Variants in A2ML1 observed in about 807,000 individuals in gnomAD.
A2ML1 encodes the protein alpha-2-macroglobulin-like protein 1.
In A2ML1, 161 loss-of-function variants were observed where a neutral mutation model predicts 181.9. The observed-to-expected ratio is 0.89, with a 90% confidence interval of 0.78 to 1.01. The LOEUF is 1.01. A2ML1 is among the 50% of genes least tolerant of loss of function. The pLI is 0.00. For synonymous variants in A2ML1, 663 were observed against 666.8 expected, an observed-to-expected ratio of 0.99 and a Z score of 0.09; for missense variants, 1,670 against 1,768.1, an observed-to-expected ratio of 0.94 and a Z score of 1.00.
intron 23 of A2ML1, among the ~76,000 whole-genome samples, chr12:8,856,861 T>C (rs1020070830): frequency 2.0e-5 from 3 of 151,886 alleles, no homozygotes; most frequent in Non-Finnish European, 4.4e-5. Context: ...AGACCGAGTT[T>C]GATTTACTGT....
chr12:8,854,903 T>TTTC, intron 22 of A2ML1, 72 bp downstream of exon 22: 1 of 1,563,116 alleles, frequency 6.4e-7, no homozygotes, highest in East Asian at 2.2e-5. Flanking sequence ...TTCATTTTTT[T>TTTC]TTTTTTTTTG....
Position 8,868,373 on chromosome 12 carries a change from G to T in A2ML1, c.4061+16G>T, listed in dbSNP as rs200962359. ...TTCACACCAGGTGATTAAAGCTGGG[G>T]TGCTGGTGGCCGGCAGAGCACCTGG... On this transcript the variant is annotated intron_variant, in intron 31 of 35. Transcript: ENST00000299698. 7 of 1,609,358 alleles carry T rather than the reference G, an allele frequency of 4.3e-6. No individual in the cohort carries two copies. The highest frequency in any genetic ancestry group is 8.5e-7 in the Non-Finnish European group (1 of 1,178,214).
At chr12:8,844,939 C>A in intron 12 of A2ML1, 1 of 1,274,800 alleles carries the variant, frequency 7.8e-7, no homozygotes, top group Non-Finnish European at 1.0e-6. Context: ...TCACCGAGTT[C>A]TGTTTCAAGT....
rs926222334 is a variant in A2ML1, at chr12:8,869,042, A to G, written c.4153-93A>G. The G allele has an allele frequency of 5.4e-5, 67 of 1,237,538 alleles. No individual in the cohort carries two copies. In the South Asian group the frequency reaches 7.7e-4, roughly 14 times the overall value. The allele number at this position is 1,237,538 out of a possible 1,614,324, so 76.7% of individuals were successfully genotyped here. The stretch of plus-strand genomic sequence containing the variant: ...CCTTTTCCTACCTTTTCCACAGTAT[A>G]TATTGTTTCCTTGATCATGGCAGAG... On this transcript the variant is annotated intron_variant, in intron 32 of 35. Transcript: ENST00000299698.
chr12:8,854,390 C>T, intron 21 of A2ML1, 141 bp downstream of exon 21: 1 of 1,334,362 alleles, frequency 7.5e-7, no homozygotes, highest in Middle Eastern at 2.8e-4. Flanking sequence ...GCCCCTTGAA[C>T]ATTTGCCTAA....
chr12:8,872,846 T>C (rs1044176955), intron 33 of A2ML1, among the ~76,000 whole-genome samples: 2 of 151,370 alleles, frequency 1.3e-5, no homozygotes, highest in Non-Finnish European at 2.9e-5. Flanking sequence ...AAAATAAGAA[T>C]GGTGACATTG....
At chr12:8,849,226 C>A (rs765619538) in intron 16 of A2ML1, among the ~76,000 whole-genome samples, 1 of 152,104 alleles carries the variant, frequency 6.6e-6, no homozygotes, top group Non-Finnish European at 1.5e-5. Context: ...ATTCTATGAG[C>A]AGGATTTGGG....
rs985313789 is a variant in A2ML1, at chr12:8,823,599, C to G, written c.247-121C>G. 46 of 1,205,962 alleles carry G rather than the reference C, an allele frequency of 3.8e-5. No homozygotes were observed. In the African/African-American group the frequency reaches 6.9e-4, roughly 18 times the overall value. 74.7% of individuals were successfully genotyped at this position (1,205,962 alleles called of 1,614,324 possible). Reference sequence around the variant, plus strand: ...TTCCTCGTGGTAATTTGTTTTATGTCTCTATCCTTGCTACCCCCATCTAAC... The same window carrying G: ...TTCCTCGTGGTAATTTGTTTTATGTGTCTATCCTTGCTACCCCCATCTAAC... On this transcript the variant is annotated intron_variant, in intron 2 of 35. Coordinates refer to ENST00000299698, the MANE Select transcript of A2ML1 (RefSeq NM_144670.6).
rs973673500 is a variant in A2ML1, at chr12:8,835,526, T to C, written c.503T>C (p.Ile168Thr). 6.2e-7 allele frequency: 1 copy of C among 1,613,966 alleles called. No homozygotes were observed. The highest frequency in any genetic ancestry group is 1.3e-5 in the African/African-American group (1 of 74,908). The change falls in exon 6 of 36, where the codon ATT becomes ACT. Residue 168 changes from isoleucine to threonine, a missense_variant. Physicochemically the swap from Ile to Thr is moderately conservative, Grantham distance 89. Coordinates refer to ENST00000299698, the MANE Select transcript of A2ML1 (RefSeq NM_144670.6). The part of the protein sequence containing the change: ...VELQDPNSNR[I>T]AQWLEVVPEQ... Reference sequence around the variant, plus strand: ...GGACAGGATCCAAATAGCAACAGGATTGCACAGTGGCTGGAAGTGGTACCT... The same window carrying C: ...GGACAGGATCCAAATAGCAACAGGACTGCACAGTGGCTGGAAGTGGTACCT...
rs142881050 is a variant in A2ML1, at chr12:8,835,855, T to A, written c.643+189T>A. Among the ~76,000 whole-genome samples, 986 of 151,666 alleles carry A rather than the reference T, an allele frequency of 6.5e-3. 16 individuals are homozygous for A. The highest frequency in any genetic ancestry group is 0.022 in the African/African-American group (920 of 41,310). ...AGTGAAACCCTGTCTCCACTAACAATACAAAAAATTAGCCGGGCGTGGTGG... is the reference window on the plus strand; with the variant it reads ...AGTGAAACCCTGTCTCCACTAACAAAACAAAAAATTAGCCGGGCGTGGTGG... On this transcript the variant is annotated intron_variant, in intron 6 of 35. Transcript: ENST00000299698.
downstream of A2ML1, among the ~76,000 whole-genome samples, chr12:8,877,113 C>T (rs552205116): frequency 6.6e-6 from 1 of 152,282 alleles, no homozygotes; most frequent in Middle Eastern, 3.4e-3. Flanking sequence ...CACCTATCAC[C>T]GTGCAAGCAC....
At chr12:8,826,202 G>A (rs944088923) in intron 3 of A2ML1, among the ~76,000 whole-genome samples, 1 of 152,088 alleles carries the variant, frequency 6.6e-6, no homozygotes, top group Non-Finnish European at 1.5e-5. Context: ...GATTGCCTTA[G>A]GTAGTACGGA....
intron 3 of A2ML1, among the ~76,000 whole-genome samples, chr12:8,828,940 A>G (rs1400247122): frequency 1.3e-5 from 2 of 152,182 alleles, no homozygotes; most frequent in Non-Finnish European, 2.9e-5. Flanking sequence ...ATTGCATTCT[A>G]AAGCCAAGTC....
intron 28 of A2ML1, 75 bp downstream of exon 28, chr12:8,861,372 C>T: frequency 1.3e-6 from 2 of 1,491,220 alleles, no homozygotes; most frequent in Non-Finnish European, 1.8e-6. Context: ...CCCTAGTAAC[C>T]TCTGTCCCAC....
At chr12:8,850,961 A>G (rs1943868021) in intron 18 of A2ML1, among the ~76,000 whole-genome samples, 1 of 151,094 alleles carries the variant, frequency 6.6e-6, no homozygotes, top group Non-Finnish European at 1.5e-5. Flanking sequence ...CTAGTCTTGA[A>G]CTCCTGGCCT....
chr12:8,850,631 T>C (rs1398546324), intron 18 of A2ML1, among the ~76,000 whole-genome samples: 1 of 152,148 alleles, frequency 6.6e-6, no homozygotes, highest in Non-Finnish European at 1.5e-5. Flanking sequence ...GATTCTGCAA[T>C]GTAGAGCCTG....
intron 32 of A2ML1, among the ~76,000 whole-genome samples, 153 bp downstream of exon 32, chr12:8,868,780 A>C (rs997584748): frequency 6.6e-6 from 1 of 152,006 alleles, no homozygotes; most frequent in Admixed American, 6.6e-5. Flanking sequence ...ATGTATGTAC[A>C]CTTGTAAGAA....
chr12:8,846,091 T>TTC lies in A2ML1; in HGVS notation c.1561_1562dup (p.Leu522HisfsTer2). ...TTCTCTTTCAGGACTGAAAGCCTCC[T>TTC]TCTCTCTCTCACTGACCTTCACTTC... On this transcript the variant is annotated frameshift_variant, in exon 14 of 36. Transcript: ENST00000299698. LOFTEE classifies it high-confidence loss of function. The TTC allele has an allele frequency of 1.2e-6, 2 of 1,614,098 alleles. No homozygotes were observed. The highest frequency in any genetic ancestry group is 1.7e-6 in the Non-Finnish European group (2 of 1,180,008).
Position 8,843,212 on chromosome 12 carries a change from C to T in A2ML1, c.1327C>T (p.Arg443Ter), listed in dbSNP as rs550751327. The change falls in exon 12 of 36, where the codon CGA (arginine) becomes TGA (stop). Residue 443 changes from arginine to a stop codon, truncating the protein, a stop_gained. Transcript: ENST00000299698. LOFTEE classifies it high-confidence loss of function. ...RYYQNAYLHL[R>*]PFYSTTRSFL... ...CTACCAAAATGCCTACCTGCACCTG[C>T]GACCCTTCTACAGCACAACCCGCAG... The T allele has an allele frequency of 8.5e-5, 137 of 1,614,082 alleles. No homozygotes were observed. Among genetic ancestry groups the T allele is most frequent in the South Asian group, 1.5e-4 (14 of 91,078 alleles).
Sources: gnomAD v4.1 joint callset for allele counts (sites outside exome capture counted in the v4.1 genomes callset) on GRCh38, gnomAD v4.1.1 for gene constraint, MANE v1.5 for transcripts, NCBI Gene and HGNC (gene_info 2026-07-23, HGNC 2026-07-21) for gene names.